Variants in KIF20B observed in about 807,000 individuals in gnomAD.
KIF20B encodes the protein kinesin family member 20B, also known as kinesin-like protein KIF20B.
A neutral mutation model predicts 232.5 loss-of-function variants in KIF20B; 188 were observed. The ratio of observed to expected loss-of-function variants is 0.81; its 90% CI spans 0.72 to 0.91. KIF20B has a LOEUF of 0.91. KIF20B is among the 40% of genes least tolerant of loss of function. The pLI is 0.00. For synonymous variants in KIF20B, 712 were observed against 683.0 expected, an observed-to-expected ratio of 1.04 and a Z score of -0.66; for missense variants, 2,154 against 2,055.9, an observed-to-expected ratio of 1.05 and a Z score of -0.92.
At chr10:89,728,885 C>T (rs1589862028) in intron 17 of KIF20B, among the ~76,000 whole-genome samples, 1 of 146,076 alleles carries the variant, frequency 6.8e-6, no homozygotes, top group African/African-American at 2.5e-5. Context: ...CTCTTATATG[C>T]TATATAGCTT....
intron 23 of KIF20B, 76 bp from the exon 24 acceptor site, chr10:89,751,270 T>A: frequency 8.3e-7 from 1 of 1,206,834 alleles, no homozygotes; most frequent in South Asian, 1.4e-5. Context: ...AAATGTATTT[T>A]AATTTTAGAA....
At chr10:89,770,593 C>T (rs1842442768) in intron 31 of KIF20B, among the ~76,000 whole-genome samples, 1 of 151,874 alleles carries the variant, frequency 6.6e-6, no homozygotes, top group African/African-American at 2.4e-5. Context: ...TACCAATGCA[C>T]TTGACATACA....
At chr10:89,753,360 C>A (rs376990724) in intron 25 of KIF20B, among the ~76,000 whole-genome samples, 2 of 152,192 alleles carry the variant, frequency 1.3e-5, no homozygotes, top group South Asian at 2.1e-4. Flanking sequence ...TAAACATATG[C>A]TGAAAACAAA....
chr10:89,749,341 C>T (rs551200544), intron 23 of KIF20B, among the ~76,000 whole-genome samples: 4 of 152,126 alleles, frequency 2.6e-5, no homozygotes, highest in Non-Finnish European at 5.9e-5. Flanking sequence ...CTTTCACTTA[C>T]CTATCTTTAA....
intron 4 of KIF20B, 65 bp from the exon 5 acceptor site, chr10:89,709,862 A>G: frequency 7.5e-7 from 1 of 1,334,570 alleles, no homozygotes; most frequent in Non-Finnish European, 1.0e-6. Context: ...TAGTGTTGGG[A>G]TGGAACACAC....
Position 89,726,816 on chromosome 10 carries a change from A to T in KIF20B, c.2230+295A>T, listed in dbSNP as rs142524732. On this transcript the variant is annotated intron_variant, in intron 16 of 32. Transcript: ENST00000371728. ...AAGCTGTAAATTTTGTTATATATAT[A>T]TATTTTTTATGACAGCGTCTCGCTC... is the stretch of plus-strand genomic sequence containing the variant. Among the ~76,000 whole-genome samples, 725 of 151,752 alleles carry T rather than the reference A, an allele frequency of 4.8e-3. 3 individuals carry two copies. Among genetic ancestry groups the T allele is most frequent in the African/African-American group, 0.017 (697 of 41,268 alleles).
chr10:89,738,091 C>T lies in KIF20B; in HGVS notation c.3250C>T (p.Gln1084Ter). ...TCATCAGATTGAGGAACTGGAACAACAAATTGAAAAATTGCAGGCAGAAGT... is the reference window on the plus strand; with the variant it reads ...TCATCAGATTGAGGAACTGGAACAATAAATTGAAAAATTGCAGGCAGAAGT... ...KSHQIEELEQQIEKLQAEVKG... is the reference protein window; with the variant it reads ...KSHQIEELEQ The change falls in exon 20 of 33, where the codon CAA becomes TAA. Residue 1084 changes from glutamine (Q) to a stop codon, truncating the protein, a stop_gained. Coordinates refer to ENST00000371728, the MANE Select transcript of KIF20B (RefSeq NM_001284259.2). LOFTEE classifies it high-confidence loss of function. 6.2e-7 allele frequency: 1 copy of T among 1,612,256 alleles called. No homozygotes were observed. The highest frequency in any genetic ancestry group is 8.5e-7 in the Non-Finnish European group (1 of 1,179,484).
intron 13 of KIF20B, among the ~76,000 whole-genome samples, chr10:89,722,340 A>T (rs906901481): frequency 6.6e-6 from 1 of 152,234 alleles, no homozygotes; most frequent in Non-Finnish European, 1.5e-5. Flanking sequence ...AAACTTTATC[A>T]GATGCTAACA....
At chr10:89,767,163 CT>C (rs1240891044) in intron 29 of KIF20B, among the ~76,000 whole-genome samples, 1 of 144,608 alleles carries the variant, frequency 6.9e-6, no homozygotes, top group East Asian at 2.1e-4. Context: ...ATCCTATTTT[CT>C]TTTTTTCTTC....
At chr10:89,731,978 G>GT (rs1843330626) in intron 18 of KIF20B, among the ~76,000 whole-genome samples, 1 of 152,070 alleles carries the variant, frequency 6.6e-6, no homozygotes, top group African/African-American at 2.4e-5. Flanking sequence ...CATACACTTT[G>GT]TTTTTTCAAA....
Position 89,747,851 on chromosome 10 carries a change from C to T in KIF20B, c.4096+1892C>T, listed in dbSNP as rs577441944. On this transcript the variant is annotated intron_variant, in intron 23 of 32. Coordinates refer to ENST00000371728, the MANE Select transcript of KIF20B (RefSeq NM_001284259.2). ...TGTATACATATGTAACTAACCTGCA[C>T]ATTGTGCACATGTACCCTAAAACTT... 1.9e-4 allele frequency among the ~76,000 whole-genome samples: 29 copies of T among 149,122 alleles called. No individual in the cohort carries two copies. In the East Asian group the frequency reaches 5.6e-3, roughly 29 times the overall value.
In KIF20B at chr10:89,762,716, GA is replaced by G; in HGVS notation, c.4871del (p.Glu1624GlyfsTer14). The G allele has an allele frequency of 6.2e-7, 1 of 1,613,592 alleles. No individual in the cohort carries two copies. The highest frequency in any genetic ancestry group is 8.5e-7 in the Non-Finnish European group (1 of 1,179,738). On this transcript the variant is annotated frameshift_variant, in exon 29 of 33. Transcript: ENST00000371728. LOFTEE classifies it high-confidence loss of function. ...QSTRFPKPEL[E>X]IQFTPLQPNK... is the part of the protein sequence containing the mutation. ...CACTCGATTTCCAAAACCTGAGTTA[GA>G]GATTCAATTTACACCTTTACAGCCA...
intron 2 of KIF20B, among the ~76,000 whole-genome samples, chr10:89,708,214 A>ATT (rs35028648): frequency 6.9e-6 from 1 of 143,968 alleles, no homozygotes. Flanking sequence ...TACAATTTGT[A>ATT]TTTTTTTTTT....
At chr10:89,718,629 T>C (rs570239553) in intron 11 of KIF20B, 81 bp from the exon 12 acceptor site, 1 of 1,105,900 alleles carries the variant, frequency 9.0e-7, no homozygotes, top group African/African-American at 1.6e-5. Context: ...GGCTTAATTA[T>C]TTCTTTGTAA....
chr10:89,757,211 TGTCA>T (rs1842147991), intron 26 of KIF20B, among the ~76,000 whole-genome samples: 1 of 151,720 alleles, frequency 6.6e-6, no homozygotes, highest in South Asian at 2.1e-4. Flanking sequence ...GGTATGGTAT[TGTCA>T]GTCAGTTTTT....
At chr10:89,703,099 C>T (rs2133074202) in intron 1 of KIF20B, among the ~76,000 whole-genome samples, 1 of 149,938 alleles carries the variant, frequency 6.7e-6, no homozygotes, top group East Asian at 1.9e-4. Context: ...TTTATCAACA[C>T]TTTTCTTTAA....
chr10:89,766,695 CT>C, intron 29 of KIF20B, among the ~76,000 whole-genome samples: 1 of 152,162 alleles, frequency 6.6e-6, no homozygotes, highest in South Asian at 2.1e-4. Flanking sequence ...TATTTTCAAG[CT>C]GATGTAAGAG....
intron 22 of KIF20B, 94 bp downstream of exon 22, chr10:89,744,021 G>T: frequency 3.1e-6 from 3 of 959,518 alleles, no homozygotes; most frequent in East Asian, 3.1e-5. Flanking sequence ...ATAACATCCT[G>T]TTTTGACTTT....
chr10:89,716,986 G>T lies in KIF20B; in HGVS notation c.1053-438G>T, dbSNP rs567941094. Reference sequence around the variant, plus strand: ...TTAAGCAGTGAGATAATTAAAGCAGGCTTTTTCTTAGAGAAGGAGCCCTGT... The same window carrying T: ...TTAAGCAGTGAGATAATTAAAGCAGTCTTTTTCTTAGAGAAGGAGCCCTGT... On this transcript the variant is annotated intron_variant, in intron 9 of 32. Coordinates refer to ENST00000371728, the MANE Select transcript of KIF20B (RefSeq NM_001284259.2). Among the ~76,000 whole-genome samples the T allele has an allele frequency of 1.0e-3, 158 of 152,246 alleles. 1 individual carries two copies. In the Middle Eastern group the frequency reaches 0.017, roughly 16 times the overall value.
Sources: allele counts gnomAD v4.1 joint callset (sites outside exome capture counted in the v4.1 genomes callset), GRCh38; gene constraint gnomAD v4.1.1; transcripts MANE v1.5; gene names NCBI Gene and HGNC (gene_info 2026-07-23, HGNC 2026-07-21).